The following KANSL1L variants were observed in gnomAD, a reference collection of about 807,000 sequenced individuals.
The protein encoded by KANSL1L is KAT8 regulatory NSL complex subunit 1 like, also known as KAT8 regulatory NSL complex subunit 1-like protein.
KANSL1L carries 25 observed loss-of-function variants against 108.6 expected under a neutral mutation model. The observed-to-expected ratio is 0.23, with a 90% CI of 0.17 to 0.32. The LOEUF is 0.32. Among genes scored for constraint, KANSL1L ranks in the 10% least tolerant of loss-of-function variants. KANSL1L has a pLI of 1.00. For missense variants in KANSL1L, 1,137 were observed against 1,125.7 expected (o/e 1.01, Z -0.14); for synonymous variants, 405 against 395.1 (o/e 1.03, Z -0.30).
intron 8 of KANSL1L, among the ~76,000 whole-genome samples, chr2:210,037,196 A>G (rs1026578092): frequency 2.0e-5 from 3 of 152,208 alleles, no homozygotes; most frequent in African/African-American, 7.2e-5. Context: ...CAAGTATGAA[A>G]TCATAATTTT....
At position 210,022,994 on chromosome 2, in the gene KANSL1L, G is replaced by A. The variant is rs770722712; in HGVS notation, c.2919C>T (p.Tyr973=). The A allele has an allele frequency of 4.3e-6, 7 of 1,613,624 alleles. No homozygotes were observed. The highest frequency in any genetic ancestry group is 2.2e-5 in the South Asian group (2 of 91,070). ...PKKQSDGMEE[Y]KTFGLGLTNV... is the part of the protein sequence containing the mutation. The stretch of plus-strand genomic sequence containing the variant: ...TAGTAAGTCCTAGACCAAAGGTTTT[G>A]TATTCTTCCATTCCATCTGACTGCT... The change falls in exon 15 of 15, where the codon TAC becomes TAT. Residue 973 remains tyrosine (Y), a synonymous_variant. Coordinates refer to ENST00000281772, the MANE Select transcript of KANSL1L (RefSeq NM_152519.4).
chr2:210,067,805 T>A (rs2094477630), intron 6 of KANSL1L, among the ~76,000 whole-genome samples: 2 of 151,776 alleles, frequency 1.3e-5, no homozygotes, highest in African/African-American at 4.8e-5. Flanking sequence ...TTTTCATATG[T>A]TTATTGGCCA....
chr2:210,159,406 G>T (rs2095349883), intron 1 of KANSL1L, among the ~76,000 whole-genome samples: 1 of 152,088 alleles, frequency 6.6e-6, no homozygotes, highest in Admixed American at 6.6e-5. Flanking sequence ...TCAGCCTCTT[G>T]GTTCATGACT....
chr2:210,113,810 AT>A (rs1386088479), intron 3 of KANSL1L, among the ~76,000 whole-genome samples: 1 of 152,220 alleles, frequency 6.6e-6, no homozygotes, highest in Non-Finnish European at 1.5e-5. Flanking sequence ...CACTAGAGGT[AT>A]TCAAAGGCAA....
intron 6 of KANSL1L, among the ~76,000 whole-genome samples, chr2:210,050,289 C>T (rs1002946229): frequency 2.6e-5 from 4 of 151,962 alleles, no homozygotes; most frequent in Non-Finnish European, 5.9e-5. Flanking sequence ...AAACAAATGG[C>T]AAGATGGTCA....
At chr2:210,096,356 C>T (rs1056670018) in intron 5 of KANSL1L, 2 of 249,990 alleles carry the variant, frequency 8.0e-6, no homozygotes, top group African/African-American at 4.6e-5. Context: ...TTTCACCAAC[C>T]AGACTGTGAG....
At chr2:210,079,688 A>G (rs1363897809) in intron 5 of KANSL1L, 15 of 29,532 alleles carry the variant, frequency 5.1e-4, no homozygotes, top group African/African-American at 1.3e-3. Context: ...ATATATATAT[A>G]TATGTATGTG....
rs2093918931 is a variant in KANSL1L, at chr2:210,025,184, T to G, written c.2484A>C (p.Leu828=). The G allele has an allele frequency of 1.2e-6, 2 of 1,609,502 alleles. No homozygotes were observed. Among genetic ancestry groups the G allele is most frequent in the South Asian group, 1.1e-5 (1 of 90,980 alleles). ...CTCTCTCTTCATATTTTTTGTGCCT[T>G]AGGGAGAAGACTTCATCAGAAAGAT... ...IEDLSDEVFS[L]RHKKYEEREQ... The change falls in exon 13 of 15, where the codon CTA becomes CTC. Residue 828 remains leucine (L), a synonymous_variant. Coordinates refer to ENST00000281772, the MANE Select transcript of KANSL1L (RefSeq NM_152519.4).
chr2:210,088,310 AG>A, intron 5 of KANSL1L: 1 of 152,352 alleles, frequency 6.6e-6, no homozygotes. Context: ...CAAGGTGAAA[AG>A]GGGTAACTTC....
intron 2 of KANSL1L, among the ~76,000 whole-genome samples, chr2:210,130,767 G>C (rs574379207): frequency 6.6e-6 from 1 of 152,014 alleles, no homozygotes; most frequent in East Asian, 1.9e-4. Flanking sequence ...GCATGCTAGC[G>C]CGTAGCATTT....
At chr2:210,096,563 G>A (rs1204996846) in intron 5 of KANSL1L, 14 of 983,996 alleles carry the variant, frequency 1.4e-5, no homozygotes, top group Non-Finnish European at 1.6e-5. Context: ...ACTTGATTAG[G>A]TAAACAAAGT....
At position 210,104,113 on chromosome 2, in the gene KANSL1L, G is replaced by A. The variant is rs199722026; in HGVS notation, c.1419C>T (p.Ile473=). The change falls in exon 4 of 15, where the codon ATC becomes ATT. Residue 473 remains isoleucine (I), a synonymous_variant. Transcript: ENST00000281772. The stretch of plus-strand genomic sequence containing the variant: ...CTTACTTTGACTTTACCTGTTTTTC[G>A]ATGTTTCGAAGAAGTAAAGTAGGGC... ...PSSPTLLLRN[I]EKQSAQLTEI... 1.2e-5 allele frequency: 20 copies of A among 1,612,456 alleles called. No individual in the cohort carries two copies. The East Asian group carries it at 1.6e-4, about 13-fold the overall frequency.
chr2:210,164,773 G>T (rs2095378005), intron 1 of KANSL1L, among the ~76,000 whole-genome samples: 1 of 150,892 alleles, frequency 6.6e-6, no homozygotes, highest in Non-Finnish European at 1.5e-5. Flanking sequence ...ACATAATCTT[G>T]ATTCTGTCAA....
chr2:210,155,074 G>A (rs1344172100), intron 1 of KANSL1L: 1 of 151,944 alleles, frequency 6.6e-6, no homozygotes, highest in African/African-American at 2.4e-5. Flanking sequence ...CAGCCTGAAC[G>A]GTATTAATAA....
At chr2:210,077,230 A>G (rs565714744) in intron 5 of KANSL1L, among the ~76,000 whole-genome samples, 2 of 152,326 alleles carry the variant, frequency 1.3e-5, no homozygotes, top group East Asian at 1.9e-4. Context: ...AGACCAATAT[A>G]GAAAAAAGGA....
chr2:210,104,509 A>G (rs2094827298), intron 3 of KANSL1L, among the ~76,000 whole-genome samples: 1 of 152,160 alleles, frequency 6.6e-6, no homozygotes. Context: ...GGACTTGTAA[A>G]ATATTTTCTT....
At chr2:210,070,856 T>A (rs994462527) in intron 6 of KANSL1L, among the ~76,000 whole-genome samples, 8 of 152,246 alleles carry the variant, frequency 5.3e-5, no homozygotes, top group Middle Eastern at 3.4e-3. Context: ...ACAATAAAAA[T>A]TTTTTTAAAT....
chr2:210,148,416 C>T (rs982459270), intron 2 of KANSL1L, among the ~76,000 whole-genome samples: 3 of 152,160 alleles, frequency 2.0e-5, no homozygotes, highest in Non-Finnish European at 1.5e-5. Context: ...CAGCGACTCA[C>T]CCACATCCCC....
chr2:210,071,220 T>A lies in KANSL1L; in HGVS notation c.1755+4332A>T, dbSNP rs190070336. Among the ~76,000 whole-genome samples, 170 of 152,190 alleles carry A rather than the reference T, an allele frequency of 1.1e-3. 2 individuals carry two copies. The highest frequency in any genetic ancestry group is 6.5e-4 in the Non-Finnish European group (44 of 67,988). ...AACTTTCATGTTTATGTGGCATTCA[T>A]CCTGTATGCATGCATCTGTGTCTAA... is the stretch of plus-strand genomic sequence containing the variant. On this transcript the variant is annotated intron_variant, in intron 6 of 14. Transcript: ENST00000281772.
Sources: gnomAD v4.1 joint callset for allele counts (sites outside exome capture counted in the v4.1 genomes callset) on GRCh38, gnomAD v4.1.1 for gene constraint, MANE v1.5 for transcripts, NCBI Gene and HGNC (gene_info 2026-07-23, HGNC 2026-07-21) for gene names.